ITM2B: variants seen among roughly 807,000 people sequenced by gnomAD.
ITM2B encodes ABri/ADan amyloid peptide.
A neutral mutation model predicts 27.8 loss-of-function variants in ITM2B; 11 were observed. The ratio of observed to expected loss-of-function variants is 0.40; its 90% CI spans 0.25 to 0.66. The LOEUF (loss-of-function observed/expected upper bound fraction) is 0.66. Among genes scored for constraint, ITM2B ranks in the 30% least tolerant of loss-of-function variants. The pLI is 0.43. For synonymous variants in ITM2B, 114 were observed against 114.3 expected (o/e 1.00, Z 0.02); for missense variants, 296 against 328.9 (o/e 0.90, Z 0.77).
chr13:48,233,637 A>G (rs1233712188), intron 1 of ITM2B, among the ~76,000 whole-genome samples, 160 bp downstream of exon 1: 3 of 152,096 alleles, frequency 2.0e-5, no homozygotes, highest in African/African-American at 7.2e-5. Flanking sequence ...GTGGGTCCGC[A>G]GCTCCTTTGT....
chr13:48,258,687 GT>G (rs1415114231), intron 4 of ITM2B, 109 bp from the exon 5 acceptor site: 5 of 1,000,868 alleles, frequency 5.0e-6, no homozygotes, highest in Non-Finnish European at 7.9e-6. Context: ...GTGGGTAGTA[GT>G]TTGGCAACCT....
At chr13:48,259,152 G>A (rs1413566803) in intron 5 of ITM2B, among the ~76,000 whole-genome samples, 1 of 152,194 alleles carries the variant, frequency 6.6e-6, no homozygotes, top group African/African-American at 2.4e-5. Flanking sequence ...AAAGGTCAAT[G>A]TGAAATGTCA....
At chr13:48,246,031 G>T (rs959792816) in intron 1 of ITM2B, among the ~76,000 whole-genome samples, 1 of 152,152 alleles carries the variant, frequency 6.6e-6, no homozygotes, top group East Asian at 1.9e-4. Flanking sequence ...ACCCGCTTCA[G>T]CCTCCCAAAG....
rs1951769626 is a variant in ITM2B, at chr13:48,253,839, G to A, written c.149G>A (p.Arg50Lys). ...GATGATGTGGTACCAGTTGGCCAAAGAAGAGCCTGGTGTTGGTGCATGTGC... is the reference window on the plus strand; with the variant it reads ...GATGATGTGGTACCAGTTGGCCAAAAAAGAGCCTGGTGTTGGTGCATGTGC... Reference protein sequence around the residue: ...DPDDVVPVGQRRAWCWCMCFG... With the variant: ...DPDDVVPVGQKRAWCWCMCFG... The change falls in exon 2 of 6, where the codon AGA becomes AAA. Residue 50 changes from arginine (R) to lysine (K), a missense_variant. Transcript: ENST00000647800. 1 of 1,613,994 alleles carries A rather than the reference G, an allele frequency of 6.2e-7. No individual in the cohort carries two copies. Among genetic ancestry groups the A allele is most frequent in the Non-Finnish European group, 8.5e-7 (1 of 1,179,860 alleles).
rs566783516 is a variant in ITM2B at position 48,269,776 on chromosome 13, C to G, written c.*8552C>G. On this transcript the variant is annotated 3_prime_UTR_variant, in exon 6 of 6. Coordinates refer to ENST00000647800, the MANE Select transcript of ITM2B (RefSeq NM_021999.5). The stretch of plus-strand genomic sequence containing the variant: ...ACCTTTTCTAAAGTGAGTCTCACCT[C>G]CACCCTCAATGCTGGCAATGTCTGT... 6.6e-6 allele frequency: 1 copy of G among 152,242 alleles called. No individual in the cohort carries two copies. The highest frequency in any genetic ancestry group is 1.5e-5 in the Non-Finnish European group (1 of 68,098). The allele number at this position is 152,242 out of a possible 1,614,324, so 9.4% of individuals were successfully genotyped here. A position where few individuals can be genotyped will look rare whatever the true frequency, so the allele number is the denominator to read the frequency against.
At chr13:48,252,046 A>G (rs1481113355) in intron 1 of ITM2B, among the ~76,000 whole-genome samples, 7 of 152,214 alleles carry the variant, frequency 4.6e-5, no homozygotes, top group Non-Finnish European at 5.9e-5. Flanking sequence ...GACAAGTGCT[A>G]CAGAAACCAT....
At chr13:48,233,619 C>T (rs1472323336) in intron 1 of ITM2B, 142 bp downstream of exon 1, 7 of 505,124 alleles carry the variant, frequency 1.4e-5, no homozygotes, top group Middle Eastern at 1.0e-3. Flanking sequence ...CCGGCGCTCC[C>T]GTTTCCTGTG....
intron 1 of ITM2B, among the ~76,000 whole-genome samples, chr13:48,250,643 T>TATTC (rs1377632432): frequency 6.6e-6 from 1 of 152,048 alleles, no homozygotes; most frequent in East Asian, 1.9e-4. Context: ...ATCTAAGTTT[T>TATTC]ATTCACTCAT....
chr13:48,247,118 G>A (rs891389774), intron 1 of ITM2B, among the ~76,000 whole-genome samples: 1 of 152,134 alleles, frequency 6.6e-6, no homozygotes, highest in African/African-American at 2.4e-5. Context: ...GAGCCACTGC[G>A]CTTGGCCGGG....
intron 2 of ITM2B, among the ~76,000 whole-genome samples, chr13:48,254,395 C>A (rs7996717): frequency 0.041 from 6,218 of 152,188 alleles, 343 homozygotes; most frequent in African/African-American, 0.12. Context: ...CTTTTCCAGT[C>A]ATGGTTTCAC....
chr13:48,259,505 C>T (rs560171405), intron 5 of ITM2B, among the ~76,000 whole-genome samples: 26 of 152,220 alleles, frequency 1.7e-4, no homozygotes, highest in African/African-American at 5.5e-4. Flanking sequence ...CTTTTAAGAG[C>T]ATTGTGAAAA....
At chr13:48,242,697 T>C (rs1367415057) in intron 1 of ITM2B, among the ~76,000 whole-genome samples, 1 of 152,224 alleles carries the variant, frequency 6.6e-6, no homozygotes, top group Non-Finnish European at 1.5e-5. Context: ...TGCTCCATTA[T>C]CTTCTAATGT....
chr13:48,252,646 C>T lies in ITM2B; in HGVS notation c.118-1162C>T, dbSNP rs997265695. 8.5e-5 allele frequency among the ~76,000 whole-genome samples: 13 copies of T among 152,142 alleles called. 1 individual carries two copies. The highest frequency in any genetic ancestry group is 5.2e-4 in the Admixed American group (8 of 15,278). ...GGTTGTGTAGTGCTGTTCCAATGAC[C>T]GATCCTGTTTTTGTGCATCATTCAT... is the stretch of plus-strand genomic sequence containing the variant. On this transcript the variant is annotated intron_variant, in intron 1 of 5. Coordinates refer to ENST00000647800, the MANE Select transcript of ITM2B (RefSeq NM_021999.5).
rs1317312212 is a variant in ITM2B at position 48,233,392 on chromosome 13, C to T, written c.32C>T (p.Ala11Val). 3.2e-6 allele frequency: 5 copies of T among 1,566,024 alleles called. No homozygotes were observed. The highest frequency in any genetic ancestry group is 2.5e-5 in the East Asian group (1 of 40,774). ...AAGGTGACGTTCAACTCCGCTCTGG[C>T]CCAGAAGGAGGCCAAGAAGGACGAG... The part of the protein sequence containing the change: MVKVTFNSAL[A>V]QKEAKKDEPK... The change falls in exon 1 of 6, where the codon GCC becomes GTC. Residue 11 changes from alanine (A) to valine (V), a missense_variant. Transcript: ENST00000647800.
chr13:48,253,963 C>A, intron 2 of ITM2B, 27 bp downstream of exon 2: 1 of 1,584,842 alleles, frequency 6.3e-7, no homozygotes, highest in South Asian at 1.1e-5. Flanking sequence ...TTTTGTGTCT[C>A]TGATTTTTTT....
intron 1 of ITM2B, among the ~76,000 whole-genome samples, chr13:48,236,518 T>C (rs181653591): frequency 1.3e-5 from 2 of 152,298 alleles, no homozygotes; most frequent in African/African-American, 4.8e-5. Context: ...GATGCTAGGA[T>C]TACATAATTA....
At chr13:48,244,385 T>C (rs1217966763) in intron 1 of ITM2B, among the ~76,000 whole-genome samples, 1 of 152,244 alleles carries the variant, frequency 6.6e-6, no homozygotes, top group Admixed American at 6.5e-5. Context: ...ACTGAGTTTT[T>C]ACTGCACATG....
chr13:48,253,966 A>ATT lies in ITM2B; in HGVS notation c.246+44_246+45dup, dbSNP rs201823693. On this transcript the variant is annotated intron_variant, in intron 2 of 5. Coordinates refer to ENST00000647800, the MANE Select transcript of ITM2B (RefSeq NM_021999.5). Reference sequence around the variant, plus strand: ...GTGGAAAAATTATTTTGTGTCTCTGATTTTTTTTTTTTTTTGCCTCTCCCG... The same window carrying ATT: ...GTGGAAAAATTATTTTGTGTCTCTGATTTTTTTTTTTTTTTTTGCCTCTCCCG... 4.4e-3 allele frequency: 6,332 copies of ATT among 1,449,250 alleles called. 8 individuals carry two copies. Among genetic ancestry groups the ATT allele is most frequent in the African/African-American group, 0.024 (1,636 of 67,426 alleles). The allele number at this position is 1,449,250 out of a possible 1,614,324, so 89.8% of individuals were successfully genotyped here.
At chr13:48,234,466 AT>A (rs1951655563) in intron 1 of ITM2B, among the ~76,000 whole-genome samples, 1 of 152,036 alleles carries the variant, frequency 6.6e-6, no homozygotes, top group African/African-American at 2.4e-5. Context: ...TGTTGTTAGC[AT>A]TTTTCAAGAC....
Sources: allele counts gnomAD v4.1 joint callset (sites outside exome capture counted in the v4.1 genomes callset), GRCh38; gene constraint gnomAD v4.1.1; transcripts MANE v1.5; gene names NCBI Gene and HGNC (gene_info 2026-07-23, HGNC 2026-07-21).